The following ME3 variants were observed in gnomAD, a reference collection of about 807,000 sequenced individuals.
ME3 encodes NADP-dependent malic enzyme, mitochondrial.
A neutral mutation model predicts 68.9 loss-of-function variants in ME3; 48 were observed. That is an observed-to-expected ratio of 0.70 (90% CI 0.55 to 0.89). The LOEUF (loss-of-function observed/expected upper bound fraction) is 0.89, where lower values mean the gene tolerates loss of function less well. ME3 is among the 40% of genes least tolerant of loss of function. The pLI is 0.00. For missense variants in ME3, 675 were observed against 797.4 expected, an observed-to-expected ratio of 0.85 and a Z score of 1.85; for synonymous variants, 320 against 318.8, an observed-to-expected ratio of 1.00 and a Z score of -0.04.
intron 4 of ME3, among the ~76,000 whole-genome samples, chr11:86,511,183 C>T (rs1400389003): frequency 3.3e-5 from 5 of 152,236 alleles, no homozygotes; most frequent in Non-Finnish European, 7.3e-5. Context: ...TTGCCTCTCT[C>T]CTATTTTCTA....
chr11:86,460,620 C>T (rs1594047190), intron 8 of ME3, among the ~76,000 whole-genome samples: 1 of 152,236 alleles, frequency 6.6e-6, no homozygotes, highest in African/African-American at 2.4e-5. Context: ...GAGAATCTGT[C>T]TCCAGCTCCC....
chr11:86,478,831 A>G (rs1951230422), intron 7 of ME3, among the ~76,000 whole-genome samples: 1 of 152,168 alleles, frequency 6.6e-6, no homozygotes, highest in Non-Finnish European at 1.5e-5. Context: ...CCTGGGGCCC[A>G]GGGAAGCTTG....
At chr11:86,611,406 GA>G (rs1942562907) in intron 2 of ME3, among the ~76,000 whole-genome samples, 1 of 152,020 alleles carries the variant, frequency 6.6e-6, no homozygotes, top group African/African-American at 2.4e-5. Context: ...TTGTATACTT[GA>G]AATTTTCTAA....
chr11:86,574,809 G>A (rs960741401), intron 2 of ME3, among the ~76,000 whole-genome samples: 6 of 152,264 alleles, frequency 3.9e-5, no homozygotes, highest in African/African-American at 1.4e-4. Context: ...GGAAGGGGCG[G>A]GAAAGTTTTT....
intron 2 of ME3, among the ~76,000 whole-genome samples, chr11:86,597,794 G>C (rs10792862): frequency 0.17 from 26,194 of 151,850 alleles, 2,566 homozygotes; most frequent in East Asian, 0.39. Flanking sequence ...GTACAGCTTG[G>C]TTTTATACAT....
intron 7 of ME3, among the ~76,000 whole-genome samples, chr11:86,481,585 G>A (rs1234562133): frequency 6.6e-6 from 1 of 152,172 alleles, no homozygotes. Context: ...GGGAGTGGGT[G>A]TGGGGGTGGA....
At chr11:86,585,482 C>T (rs916429309) in intron 2 of ME3, among the ~76,000 whole-genome samples, 1 of 152,128 alleles carries the variant, frequency 6.6e-6, no homozygotes, top group African/African-American at 2.4e-5. Flanking sequence ...GGATCACTGC[C>T]ATCACAACTG....
intron 8 of ME3, among the ~76,000 whole-genome samples, chr11:86,462,159 C>T (rs1950254672): frequency 6.6e-6 from 1 of 152,176 alleles, no homozygotes; most frequent in African/African-American, 2.4e-5. Flanking sequence ...CCTTGAACAA[C>T]ATGGGGTTGA....
intron 2 of ME3, among the ~76,000 whole-genome samples, chr11:86,653,840 G>C (rs894300284): frequency 6.6e-6 from 1 of 152,074 alleles, no homozygotes; most frequent in Non-Finnish European, 1.5e-5. Flanking sequence ...AAAATTGATA[G>C]ACTGCTAGCA....
At chr11:86,589,903 G>C (rs904027205) in intron 2 of ME3, among the ~76,000 whole-genome samples, 6 of 152,216 alleles carry the variant, frequency 3.9e-5, no homozygotes, top group African/African-American at 1.2e-4. Flanking sequence ...ATGTCCTGGT[G>C]TTCTTAAGTG....
At position 86,559,753 on chromosome 11, in the gene ME3, C is replaced by T. The variant is rs1188622544; in HGVS notation, c.254G>A (p.Ser85Asn). ...GATTCGGAGGAGCTGGACGTCCTGG[C>T]TCAGAAAGCAGGGCGGGATTAGGCC... is the stretch of plus-strand genomic sequence containing the variant. The change falls in exon 3 of 15, where the codon AGC becomes AAC. Residue 85 changes from serine (S) to asparagine (N), a missense_variant. Ser to Asn is a conservative substitution (Grantham distance 46). Transcript: ENST00000543262. 1.9e-6 allele frequency: 3 copies of T among 1,613,924 alleles called. No individual in the cohort carries two copies. Among genetic ancestry groups the T allele is most frequent in the Admixed American group, 3.3e-5 (2 of 60,000 alleles).
chr11:86,606,623 G>A (rs762584287), intron 2 of ME3, among the ~76,000 whole-genome samples: 22 of 152,174 alleles, frequency 1.4e-4, no homozygotes, highest in African/African-American at 2.2e-4. Flanking sequence ...TGCTGATCAG[G>A]ACTCATGTTC....
chr11:86,647,091 A>C (rs1338430978), intron 2 of ME3, among the ~76,000 whole-genome samples: 1 of 152,252 alleles, frequency 6.6e-6, no homozygotes, highest in Non-Finnish European at 1.5e-5. Flanking sequence ...CAGCCACTGC[A>C]AAAACGTATC....
intron 4 of ME3, among the ~76,000 whole-genome samples, chr11:86,534,279 C>A (rs867816701): frequency 1.3e-5 from 2 of 151,378 alleles, no homozygotes; most frequent in African/African-American, 4.8e-5. Flanking sequence ...AAATTTTTTT[C>A]AAAAAAAATT....
intron 2 of ME3, among the ~76,000 whole-genome samples, chr11:86,648,561 G>T (rs1656424707): frequency 1.3e-5 from 2 of 149,722 alleles, no homozygotes; most frequent in African/African-American, 2.4e-5. Flanking sequence ...TCTTTGGAAA[G>T]ATTAACAAAA....
At chr11:86,516,998 T>C (rs1245397093) in intron 4 of ME3, among the ~76,000 whole-genome samples, 2 of 152,180 alleles carry the variant, frequency 1.3e-5, no homozygotes, top group Non-Finnish European at 2.9e-5. Context: ...GAGTACCTGA[T>C]CTATTCCTTC....
chr11:86,462,804 C>T (rs976996411), intron 8 of ME3: 1 of 413,154 alleles, frequency 2.4e-6, no homozygotes, highest in Non-Finnish European at 4.9e-6. Flanking sequence ...AGGGGAACAC[C>T]TGAGGGGCAC....
Position 86,487,783 on chromosome 11 carries a change from T to G in ME3, c.706-343A>C, listed in dbSNP as rs1003236271. 2.0e-5 allele frequency among the ~76,000 whole-genome samples: 3 copies of G among 152,326 alleles called. No individual in the cohort carries two copies. The South Asian group carries it at 6.2e-4, about 32-fold the overall frequency. Reference sequence around the variant, plus strand: ...ATTACTGACATTTTGGCTGGGATAATTCTTTAACGTGAGGCCTGACGTGCA... The same window carrying G: ...ATTACTGACATTTTGGCTGGGATAAGTCTTTAACGTGAGGCCTGACGTGCA... On this transcript the variant is annotated intron_variant, in intron 6 of 14. Coordinates refer to ENST00000543262, the Ensembl canonical transcript of ME3.
At chr11:86,472,728 G>A (rs1188304353) in intron 7 of ME3, among the ~76,000 whole-genome samples, 3 of 152,160 alleles carry the variant, frequency 2.0e-5, no homozygotes, top group African/African-American at 7.2e-5. Context: ...ATGAGATAAT[G>A]TACATAAAAA....
Sources: allele counts gnomAD v4.1 joint callset (sites outside exome capture counted in the v4.1 genomes callset), GRCh38; gene constraint gnomAD v4.1.1; transcripts MANE v1.5; gene names NCBI Gene and HGNC (gene_info 2026-07-23, HGNC 2026-07-21).